The following CNOT10 variants were observed in gnomAD, a reference collection of about 807,000 sequenced individuals.
The protein encoded by CNOT10 is CCR4-NOT transcription complex, subunit 10.
Under a neutral mutation model 94.6 loss-of-function variants are expected in CNOT10, and 30 were observed. The ratio of observed to expected loss-of-function variants is 0.32; its 90% CI spans 0.24 to 0.43. CNOT10 has a LOEUF of 0.43. Among genes scored for constraint, CNOT10 ranks in the 20% least tolerant of loss-of-function variants. CNOT10 has a pLI of 1.00. For synonymous variants in CNOT10, 289 were observed against 301.6 expected, an observed-to-expected ratio of 0.96 and a Z score of 0.43; for missense variants, 759 against 877.2, an observed-to-expected ratio of 0.87 and a Z score of 1.70.
intron 13 of CNOT10, among the ~76,000 whole-genome samples, chr3:32,758,819 T>C (rs187198939): frequency 6.6e-6 from 1 of 152,228 alleles, no homozygotes; most frequent in African/African-American, 2.4e-5. Context: ...GCGAAATCAA[T>C]GTAACTTAAA....
intron 1 of CNOT10, among the ~76,000 whole-genome samples, chr3:32,689,926 G>C (rs1559472932): frequency 5.9e-5 from 9 of 152,210 alleles, no homozygotes; most frequent in Non-Finnish European, 1.5e-5. Context: ...CTGTACTGTA[G>C]CCTGGGTGAC....
intron 1 of CNOT10, among the ~76,000 whole-genome samples, chr3:32,691,391 G>A (rs2125490589): frequency 6.6e-6 from 1 of 152,078 alleles, no homozygotes; most frequent in South Asian, 2.1e-4. Context: ...TCGATCTTCT[G>A]ACCTCATGAT....
At chr3:32,760,984 C>T (rs1700418938) in intron 14 of CNOT10, among the ~76,000 whole-genome samples, 1 of 151,816 alleles carries the variant, frequency 6.6e-6, no homozygotes, top group South Asian at 2.1e-4. Context: ...TGAAAATTAG[C>T]CGGGCATGGG....
chr3:32,704,692 T>C, intron 2 of CNOT10, 119 bp from the exon 3 acceptor site: 2 of 1,140,444 alleles, frequency 1.8e-6, no homozygotes, highest in Non-Finnish European at 2.4e-6. Context: ...GTAGGGAAAC[T>C]ACATCTTTCT....
intron 1 of CNOT10, among the ~76,000 whole-genome samples, chr3:32,701,812 T>C (rs1182212011): frequency 6.6e-6 from 1 of 152,168 alleles, no homozygotes; most frequent in African/African-American, 2.4e-5. Flanking sequence ...GTTTGTTTTT[T>C]GACAGAGTCT....
At chr3:32,716,085 GCATGAACCAC>G (rs1035149453) in intron 5 of CNOT10, 130 bp from the exon 6 acceptor site, 1 of 494,816 alleles carries the variant, frequency 2.0e-6, no homozygotes, top group Non-Finnish European at 3.6e-6. Flanking sequence ...GGGATTACAG[GCATGAACCAC>G]CATTTCCCAC....
In CNOT10 at chr3:32,695,966, AGAGTGTGTGT is replaced by A. The variant is rs1341573803; in HGVS notation, c.23-7900_23-7891del. ...GAAAATAAAAATAATCCTGTTGAAG[AGAGTGTGTGT>A]GTGTGTGTGTGTGTGTGTGTGTGTG... On this transcript the variant is annotated intron_variant, in intron 1 of 18. Coordinates refer to ENST00000328834, the MANE Select transcript of CNOT10 (RefSeq NM_015442.3). The A allele has an allele frequency of 2.0e-3, 1,207 of 616,452 alleles. 9 individuals carry two copies. Among genetic ancestry groups the A allele is most frequent in the African/African-American group, 0.012 (542 of 44,168 alleles). 38.2% of individuals were successfully genotyped at this position (616,452 alleles called of 1,614,324 possible). A position where few individuals can be genotyped will look rare whatever the true frequency, so the allele number is the denominator to read the frequency against.
chr3:32,722,684 T>C (rs1698474347), intron 8 of CNOT10, among the ~76,000 whole-genome samples: 1 of 151,866 alleles, frequency 6.6e-6, no homozygotes. Flanking sequence ...AAAAATAAAT[T>C]AATAAATAAA....
At chr3:32,771,142 C>T (rs1700885713) in intron 18 of CNOT10, among the ~76,000 whole-genome samples, 1 of 151,912 alleles carries the variant, frequency 6.6e-6, no homozygotes, top group Admixed American at 6.6e-5. Flanking sequence ...GCCTGGGCAA[C>T]ATGGCAAAAC....
chr3:32,730,811 T>C (rs1698908291), intron 10 of CNOT10: 1 of 152,244 alleles, frequency 6.6e-6, no homozygotes, highest in African/African-American at 2.4e-5. Context: ...GCAAGGCTTA[T>C]ATTTACCTGG....
intron 5 of CNOT10, among the ~76,000 whole-genome samples, chr3:32,714,789 C>T (rs1698049873): frequency 6.6e-6 from 1 of 152,104 alleles, no homozygotes; most frequent in South Asian, 2.1e-4. Context: ...ATGAGTATAT[C>T]CTGGGTCTCA....
At chr3:32,699,975 CT>C (rs565780036) in intron 1 of CNOT10, among the ~76,000 whole-genome samples, 176 of 129,196 alleles carry the variant, frequency 1.4e-3, no homozygotes, top group Admixed American at 1.6e-3. Context: ...ATATCAGTTT[CT>C]TTTTTTTTTT....
chr3:32,685,612 C>G, intron 1 of CNOT10, 130 bp downstream of exon 1: 4 of 992,444 alleles, frequency 4.0e-6, no homozygotes, highest in Non-Finnish European at 6.0e-6. Flanking sequence ...ATTTCTTTAC[C>G]CCATCCTCTG....
rs1042613010 is a variant in CNOT10 at position 32,738,758 on chromosome 3, G to A, written c.1595+1268G>A. 4.6e-5 allele frequency among the ~76,000 whole-genome samples: 7 copies of A among 151,948 alleles called. No homozygotes were observed. The East Asian group carries it at 9.7e-4, about 21-fold the overall frequency. On this transcript the variant is annotated intron_variant, in intron 13 of 18. Transcript: ENST00000328834. Reference sequence around the variant, plus strand: ...TTTACAGGCGTGAGCCACAGCATCCGGCCTGTATTTCATCTTATCTCAGTT... The same window carrying A: ...TTTACAGGCGTGAGCCACAGCATCCAGCCTGTATTTCATCTTATCTCAGTT...
intron 13 of CNOT10, among the ~76,000 whole-genome samples, chr3:32,755,032 TG>T (rs1700161832): frequency 6.6e-6 from 1 of 151,490 alleles, no homozygotes; most frequent in Non-Finnish European, 1.5e-5. Context: ...GGATCACCTG[TG>T]GTCAGGAGTT....
intron 1 of CNOT10, among the ~76,000 whole-genome samples, chr3:32,699,486 C>T (rs1697232739): frequency 6.6e-6 from 1 of 152,066 alleles, no homozygotes; most frequent in South Asian, 2.1e-4. Flanking sequence ...CGTTATTAAG[C>T]CATTCATATT....
intron 1 of CNOT10, among the ~76,000 whole-genome samples, chr3:32,690,569 CAG>C (rs1200972071): frequency 6.6e-6 from 1 of 150,550 alleles, no homozygotes; most frequent in Non-Finnish European, 1.5e-5. Context: ...TTTTTTGAGA[CAG>C]AGTCTCGCTC....
chr3:32,691,032 G>C (rs1356173161), intron 1 of CNOT10, among the ~76,000 whole-genome samples: 1 of 122,850 alleles, frequency 8.1e-6, no homozygotes, highest in Non-Finnish European at 1.6e-5. Context: ...GTCTCACTCT[G>C]TTGCCCAGGC....
At chr3:32,695,583 T>C in intron 1 of CNOT10, 3 of 1,529,930 alleles carry the variant, frequency 2.0e-6, no homozygotes, top group Non-Finnish European at 2.6e-6. Context: ...GGTGCATTTC[T>C]TTTCTGCTTA....
Sources: gnomAD v4.1 joint callset for allele counts (sites outside exome capture counted in the v4.1 genomes callset) on GRCh38, gnomAD v4.1.1 for gene constraint, MANE v1.5 for transcripts, NCBI Gene and HGNC (gene_info 2026-07-23, HGNC 2026-07-21) for gene names.